The following ACCSL variants were observed in gnomAD, a reference collection of about 807,000 sequenced individuals.
ACCSL encodes 1-aminocyclopropane-1-carboxylate synthase homolog (inactive) like.
In ACCSL, 55 loss-of-function variants were observed where a neutral mutation model predicts 61.7. The observed-to-expected ratio is 0.89, with a 90% confidence interval of 0.72 to 1.12. ACCSL has a LOEUF of 1.12. Among genes scored for constraint, ACCSL ranks in the 50% most tolerant of loss-of-function variants. ACCSL has a pLI of 0.00. For synonymous variants in ACCSL, 258 were observed against 264.3 expected (o/e 0.98, Z 0.23); for missense variants, 632 against 698.0 (o/e 0.91, Z 1.07).
At chr11:43,927,619 G>A in the ACCSL span, among the ~76,000 whole-genome samples, 1 of 152,184 alleles carries the variant, frequency 6.6e-6, no homozygotes, top group Non-Finnish European at 1.5e-5. Flanking sequence ...ATCTCTGATT[G>A]TTTCTTAGAA....
At chr11:43,957,983 A>G in the ACCSL span, among the ~76,000 whole-genome samples, 4 of 152,224 alleles carry the variant, frequency 2.6e-5, no homozygotes, top group Admixed American at 6.5e-5. Flanking sequence ...ATCAGACCTA[A>G]CTGACCCATC....
intron 6 of ACCSL, 30 bp downstream of exon 6, chr11:44,052,789 A>G (rs755381266): frequency 6.3e-7 from 1 of 1,589,214 alleles, no homozygotes. Flanking sequence ...CCTGCTCAGT[A>G]TGCCTAGACA....
the ACCSL span, among the ~76,000 whole-genome samples, chr11:43,996,766 G>A: frequency 1.3e-5 from 2 of 151,882 alleles, no homozygotes; most frequent in Non-Finnish European, 2.9e-5. Context: ...GCTTTGATGG[G>A]CCTTGGTGGG....
At chr11:43,976,319 C>G in the ACCSL span, among the ~76,000 whole-genome samples, 66 of 152,308 alleles carry the variant, frequency 4.3e-4, no homozygotes, top group Admixed American at 2.0e-3. Context: ...CCGATAATCT[C>G]CATCTCCTGA....
chr11:43,984,479 A>G, the ACCSL span, among the ~76,000 whole-genome samples: 1 of 152,124 alleles, frequency 6.6e-6, no homozygotes, highest in Non-Finnish European at 1.5e-5. Flanking sequence ...CTGGGTACAA[A>G]CAGAAGATGG....
chr11:44,055,235 C>T lies in ACCSL; in HGVS notation c.1083C>T (p.Tyr361=). The change falls in exon 9 of 14, where the codon TAC becomes TAT. Residue 361 remains tyrosine (Y), a synonymous_variant. Transcript: ENST00000378832. ...YNLHVIIDEI[Y]MLSVFDESIT... is the part of the protein sequence containing the mutation. The stretch of plus-strand genomic sequence containing the variant: ...TACATGTGATCATAGATGAGATTTA[C>T]ATGCTGTCTGTGTTTGATGAATCCA... 1 of 1,612,556 alleles carries T rather than the reference C, an allele frequency of 6.2e-7. No individual in the cohort carries two copies. The highest frequency in any genetic ancestry group is 8.5e-7 in the Non-Finnish European group (1 of 1,178,796).
chr11:44,054,196 T>C (rs1427690964), intron 8 of ACCSL, among the ~76,000 whole-genome samples: 4 of 152,222 alleles, frequency 2.6e-5, no homozygotes, highest in African/African-American at 4.8e-5. Context: ...CGTGTTCCTA[T>C]AGAACTTCAC....
the ACCSL span, chr11:43,995,085 C>G: frequency 6.6e-6 from 1 of 152,300 alleles, no homozygotes. Flanking sequence ...AGGGTCCTGA[C>G]TCCTGATATA....
chr11:43,933,006 G>A, the ACCSL span: 3 of 452,016 alleles, frequency 6.6e-6, no homozygotes, highest in East Asian at 7.0e-5. Context: ...CTGTGTAGCT[G>A]GGGCTTGGTA....
At chr11:44,043,790 T>G (rs960652974), upstream of ACCSL, among the ~76,000 whole-genome samples, 2 of 152,218 alleles carry the variant, frequency 1.3e-5, no homozygotes, top group Admixed American at 1.3e-4. Context: ...ATTTTATCTT[T>G]AGAGGTTTTA....
the ACCSL span, among the ~76,000 whole-genome samples, chr11:43,990,739 A>C: frequency 6.6e-6 from 1 of 152,172 alleles, no homozygotes; most frequent in Non-Finnish European, 1.5e-5. Context: ...GGTGCACTGC[A>C]GAATGCTTCT....
upstream of ACCSL, among the ~76,000 whole-genome samples, chr11:44,043,639 T>C (rs1952585669): frequency 1.3e-5 from 2 of 152,206 alleles, no homozygotes; most frequent in Admixed American, 6.5e-5. Flanking sequence ...ATTCAAATGA[T>C]TTTTGTCCCA....
chr11:43,964,475 G>A, the ACCSL span, among the ~76,000 whole-genome samples: 5 of 151,548 alleles, frequency 3.3e-5, no homozygotes, highest in Admixed American at 6.6e-5. Context: ...CTAGGGCCAG[G>A]TGGTTGTTTC....
Position 44,050,586 on chromosome 11 carries a change from C to T in ACCSL, c.599C>T (p.Thr200Ile), listed in dbSNP as rs375824761. Residue 200 changes from threonine (T) to isoleucine (I), a missense_variant, in exon 3 of 14, where the codon ACC becomes ATC. Transcript: ENST00000378832. ...QESDMNCIED[T>I]LLQYPDWRGQ... ...AGTGACATGAACTGCATTGAGGACACCTTGCTTCAGTACCCTGATTGGAGA... is the reference window on the plus strand; with the variant it reads ...AGTGACATGAACTGCATTGAGGACATCTTGCTTCAGTACCCTGATTGGAGA... The T allele has an allele frequency of 5.6e-5, 91 of 1,614,016 alleles. No individual in the cohort carries two copies. Among genetic ancestry groups the T allele is most frequent in the South Asian group, 2.5e-4 (23 of 91,076 alleles).
At chr11:43,936,883 C>T in the ACCSL span, among the ~76,000 whole-genome samples, 6 of 152,196 alleles carry the variant, frequency 3.9e-5, no homozygotes, top group Non-Finnish European at 5.9e-5. Flanking sequence ...TTTCCCCACC[C>T]CCCCCTCCTG....
chr11:43,978,292 G>A, the ACCSL span, among the ~76,000 whole-genome samples: 22 of 152,084 alleles, frequency 1.4e-4, no homozygotes, highest in Non-Finnish European at 2.8e-4. Context: ...TTACAGGCAT[G>A]AGCCACTGTG....
rs781348828 is a variant in ACCSL, at chr11:44,051,364, C to G, written c.665C>G (p.Thr222Ser). 4 of 1,614,010 alleles carry G rather than the reference C, an allele frequency of 2.5e-6. No individual in the cohort carries two copies. The South Asian group carries it at 3.3e-5, about 13-fold the overall frequency. ...FLREEVARFL[T>S]YYCRAPTRLD... ...CGGGAAGAAGTGGCCCGGTTCCTGA[C>G]CTACTACTGCAGGGCACCTACCCGA... The change falls in exon 4 of 14, where the codon ACC (threonine) becomes AGC (serine). Residue 222 changes from threonine to serine, a missense_variant. By Grantham distance (58) the Thr-to-Ser change is moderately conservative. Transcript: ENST00000378832.
chr11:44,029,717 G>C, the ACCSL span, among the ~76,000 whole-genome samples: 1 of 152,136 alleles, frequency 6.6e-6, no homozygotes, highest in Non-Finnish European at 1.5e-5. Context: ...ATAACCCCAA[G>C]TTCCATAGAG....
chr11:44,033,536 C>G, the ACCSL span, among the ~76,000 whole-genome samples: 1 of 152,198 alleles, frequency 6.6e-6, no homozygotes. Flanking sequence ...TCCTCACCCC[C>G]AGCATGCCCA....
Sources: gnomAD v4.1 joint callset for allele counts (sites outside exome capture counted in the v4.1 genomes callset) on GRCh38, gnomAD v4.1.1 for gene constraint, MANE v1.5 for transcripts, NCBI Gene and HGNC (gene_info 2026-07-23, HGNC 2026-07-21) for gene names.